The following COG4 variants were observed in gnomAD, a reference collection of about 807,000 sequenced individuals.
COG4 encodes the protein conserved oligomeric Golgi complex subunit 4.
COG4 carries 65 observed loss-of-function variants against 95.1 expected under a neutral mutation model. The observed-to-expected ratio is 0.68, with a 90% CI of 0.56 to 0.84. COG4 has a LOEUF of 0.84. Among genes scored for constraint, COG4 ranks in the 40% least tolerant of loss-of-function variants. COG4 has a pLI of 0.00. For synonymous variants in COG4, 421 were observed against 374.8 expected (o/e 1.12, Z -1.42); for missense variants, 1,045 against 989.1 (o/e 1.06, Z -0.76).
chr16:70,496,242 G>A, intron 12 of COG4, 24 bp downstream of exon 12: 1 of 1,613,918 alleles, frequency 6.2e-7, no homozygotes, highest in Non-Finnish European at 8.5e-7. Context: ...AACCAACCCA[G>A]CTCGTGAGCT....
At chr16:70,490,955 G>A (rs961494439) in intron 12 of COG4, among the ~76,000 whole-genome samples, 7 of 151,892 alleles carry the variant, frequency 4.6e-5, no homozygotes, top group African/African-American at 9.7e-5. Flanking sequence ...CACTGCGCCC[G>A]GCGAGGTTTC....
At chr16:70,516,671 GTTATC>G (rs1430523414) in intron 3 of COG4, among the ~76,000 whole-genome samples, 1 of 151,408 alleles carries the variant, frequency 6.6e-6, no homozygotes, top group Admixed American at 6.6e-5. Context: ...GTCTGGCTTT[GTTATC>G]TCACATTAGA....
intron 13 of COG4, among the ~76,000 whole-genome samples, chr16:70,486,741 A>G (rs780041559): frequency 9.9e-5 from 15 of 152,250 alleles, no homozygotes; most frequent in Non-Finnish European, 1.8e-4. Flanking sequence ...TCACGCCTGT[A>G]ATCCCAGCAC....
rs143763261 is a variant in COG4, at chr16:70,495,607, C to T, written c.1647+659G>A. On this transcript the variant is annotated intron_variant, in intron 12 of 18. Coordinates refer to ENST00000323786, the MANE Select transcript of COG4 (RefSeq NM_015386.3). Reference sequence around the variant, plus strand: ...GACCTCGGACTGTGCTACTCCCATGCGTGCTAAGACAGCGTGTGCCAGAGA... The same window carrying T: ...GACCTCGGACTGTGCTACTCCCATGTGTGCTAAGACAGCGTGTGCCAGAGA... Among the ~76,000 whole-genome samples the T allele has an allele frequency of 3.0e-3, 464 of 152,192 alleles. 4 individuals carry two copies. The highest frequency in any genetic ancestry group is 4.8e-3 in the Non-Finnish European group (329 of 68,016).
chr16:70,507,469 A>G (rs1243403240), intron 8 of COG4, among the ~76,000 whole-genome samples: 3 of 152,120 alleles, frequency 2.0e-5, no homozygotes, highest in Non-Finnish European at 4.4e-5. Flanking sequence ...CCCTAGGAGT[A>G]ATAGTTTGTA....
At chr16:70,513,866 G>A (rs2049763416) in intron 4 of COG4, among the ~76,000 whole-genome samples, 1 of 152,324 alleles carries the variant, frequency 6.6e-6, no homozygotes, top group Admixed American at 6.5e-5. Flanking sequence ...CTTTAACAAA[G>A]CCTGCCCCAG....
rs767256716 is a variant in COG4 at position 70,496,316 on chromosome 16, A to C, written c.1597T>G (p.Phe533Val). 4 of 1,614,120 alleles carry C rather than the reference A, an allele frequency of 2.5e-6. No individual in the cohort carries two copies. Among genetic ancestry groups the C allele is most frequent in the Non-Finnish European group, 2.5e-6 (3 of 1,180,028 alleles). Reference sequence around the variant, plus strand: ...GTACTCTCGATGCCTTTTGTGTCAAATTTGCCTTGCTGGAGGCTGCTGTGC... The same window carrying C: ...GTACTCTCGATGCCTTTTGTGTCAACTTTGCCTTGCTGGAGGCTGCTGTGC... The part of the protein sequence containing the change: ...IMHSSLQQGK[F>V]DTKGIESTDE... Residue 533 changes from phenylalanine to valine, a missense_variant, in exon 12 of 19, where the codon TTT becomes GTT. Phe to Val is a conservative substitution (Grantham distance 50, BLOSUM62 -1). Coordinates refer to ENST00000323786, the MANE Select transcript of COG4 (RefSeq NM_015386.3).
At chr16:70,509,874 T>C (rs2049661280) in intron 6 of COG4, 42 bp downstream of exon 6, 3 of 1,454,100 alleles carry the variant, frequency 2.1e-6, no homozygotes, top group Non-Finnish European at 2.9e-6. Context: ...GCAGGTGTCA[T>C]ATACAGTCTC....
chr16:70,509,422 A>C lies in COG4; in HGVS notation c.845-34T>G, dbSNP rs201376742. ...GAGGAAGCAATAGGGTTATATTCCAAGTATTCTTCCTACAAAATAAACTTG... is the reference window on the plus strand; with the variant it reads ...GAGGAAGCAATAGGGTTATATTCCACGTATTCTTCCTACAAAATAAACTTG... On this transcript the variant is annotated intron_variant, in intron 6 of 18. Transcript: ENST00000323786. The C allele has an allele frequency of 6.6e-5, 106 of 1,613,040 alleles. No homozygotes were observed. In the African/African-American group the frequency reaches 1.3e-3, roughly 20 times the overall value.
intron 13 of COG4, among the ~76,000 whole-genome samples, chr16:70,488,930 C>G (rs2151743975): frequency 6.6e-6 from 1 of 152,322 alleles, no homozygotes; most frequent in South Asian, 2.1e-4. Flanking sequence ...GTTCATATTA[C>G]CACATTCCTC....
chr16:70,497,143 A>T, intron 11 of COG4, 78 bp downstream of exon 11: 1 of 1,361,574 alleles, frequency 7.3e-7, no homozygotes, highest in Non-Finnish European at 1.0e-6. Flanking sequence ...ATGAGGACAA[A>T]GGGCAGAAAC....
rs778884806 is a variant in COG4, at chr16:70,512,299, G to A, written c.678C>T (p.Phe226=). Residue 226 remains phenylalanine (F), a synonymous_variant, in exon 5 of 19, where the codon TTC becomes TTT. Transcript: ENST00000323786. ...LPQVERFFKI[F]PLLGLHEEGL... ...CCTCCTCATGCAAACCCAGCAGTGG[G>A]AAGATCTTGAAGAAGCGCTCCACCT... 4.3e-6 allele frequency: 7 copies of A among 1,614,198 alleles called. No homozygotes were observed. In the Admixed American group the frequency reaches 1.2e-4, roughly 27 times the overall value.
At position 70,481,398 on chromosome 16, in the gene COG4, G is replaced by A. The variant is rs746434939; in HGVS notation, c.2196C>T (p.Ala732=). ...VTTWTIRDKF[A]RLSQMATILN... is the part of the protein sequence containing the mutation. ...GGATGGTGGCCATCTGGGAGAGCCG[G>A]GCAAACTTGTCTCGGATGGTCCAGG... Residue 732 remains alanine (A), a synonymous_variant, in exon 18 of 19, where the codon GCC becomes GCT. Transcript: ENST00000323786. 1 of 1,613,380 alleles carries A rather than the reference G, an allele frequency of 6.2e-7. No homozygotes were observed. The highest frequency in any genetic ancestry group is 1.1e-5 in the South Asian group (1 of 91,074).
chr16:70,504,730 T>A (rs944787793), intron 8 of COG4, among the ~76,000 whole-genome samples: 1 of 150,800 alleles, frequency 6.6e-6, no homozygotes, highest in Non-Finnish European at 1.5e-5. Context: ...GCCAAGATGG[T>A]GAAACCCCAT....
chr16:70,521,432 G>A (rs2049939532), intron 1 of COG4, among the ~76,000 whole-genome samples: 1 of 152,034 alleles, frequency 6.6e-6, no homozygotes, highest in Admixed American at 6.6e-5. Flanking sequence ...ACGTTGGCCA[G>A]GTTGGTCTCG....
At chr16:70,507,015 G>A (rs1225433339) in intron 8 of COG4, among the ~76,000 whole-genome samples, 1 of 152,028 alleles carries the variant, frequency 6.6e-6, no homozygotes, top group Non-Finnish European at 1.5e-5. Flanking sequence ...CCAGGAGTTC[G>A]AGACCAGCCT....
At chr16:70,514,037 T>C (rs1333790481) in intron 4 of COG4, among the ~76,000 whole-genome samples, 2 of 152,046 alleles carry the variant, frequency 1.3e-5, no homozygotes, top group African/African-American at 4.8e-5. Context: ...TGAAACCCCA[T>C]CTCTACTAAA....
At chr16:70,519,834 C>A (rs907091956) in intron 1 of COG4, 103 bp from the exon 2 acceptor site, 4 of 855,436 alleles carry the variant, frequency 4.7e-6, no homozygotes, top group Admixed American at 3.9e-5. Context: ...TTTCCAAGTC[C>A]TTTTTTCCTT....
At chr16:70,523,171 T>A in intron 1 of COG4, 1 of 616,650 alleles carries the variant, frequency 1.6e-6, no homozygotes, top group Non-Finnish European at 2.9e-6. Flanking sequence ...CGCCCAGGTA[T>A]CAGGGAAGAC....
Sources: allele counts gnomAD v4.1 joint callset (sites outside exome capture counted in the v4.1 genomes callset), GRCh38; gene constraint gnomAD v4.1.1; transcripts MANE v1.5; gene names NCBI Gene and HGNC (gene_info 2026-07-23, HGNC 2026-07-21).